Variants in AP2B1 observed in about 807,000 individuals in gnomAD.
AP2B1 encodes adaptor related protein complex 2 subunit beta 1.
A neutral mutation model predicts 102.0 loss-of-function variants in AP2B1; 23 were observed. The ratio of observed to expected loss-of-function variants is 0.23; its 90% CI spans 0.16 to 0.32. The LOEUF (loss-of-function observed/expected upper bound fraction) is 0.32, where lower values mean the gene tolerates loss of function less well. Ranked by LOEUF, AP2B1 falls within the 10% of genes least tolerant of loss-of-function variation. The pLI is 1.00. For missense variants in AP2B1, 541 were observed against 1,157.4 expected (o/e 0.47, Z 7.73); for synonymous variants, 381 against 421.2 (o/e 0.90, Z 1.17).
intron 10 of AP2B1, among the ~76,000 whole-genome samples, chr17:35,637,246 G>A (rs2074632692): frequency 2.0e-5 from 3 of 152,260 alleles, no homozygotes; most frequent in Admixed American, 6.5e-5. Flanking sequence ...GTGCAGTGGT[G>A]CGATCGCAGC....
chr17:35,626,592 T>G, intron 6 of AP2B1, 29 bp from the exon 7 acceptor site: 1 of 1,506,098 alleles, frequency 6.6e-7, no homozygotes, highest in Non-Finnish European at 9.2e-7. Flanking sequence ...TTATAATTCA[T>G]GATATTAATT....
intron 5 of AP2B1, chr17:35,621,364 G>T: frequency 1.0e-6 from 1 of 984,292 alleles, no homozygotes; most frequent in Non-Finnish European, 1.2e-6. Flanking sequence ...GTGCTGCCTG[G>T]TGAGCCTGCC....
intron 17 of AP2B1, among the ~76,000 whole-genome samples, chr17:35,675,615 C>T (rs1598255867): frequency 1.3e-5 from 2 of 148,422 alleles, no homozygotes; most frequent in African/African-American, 5.0e-5. Context: ...GCATTCATCT[C>T]TAGCCTTTTT....
chr17:35,592,821 G>A (rs574140163), intron 1 of AP2B1, among the ~76,000 whole-genome samples: 2 of 152,286 alleles, frequency 1.3e-5, no homozygotes, highest in South Asian at 2.1e-4. Context: ...GATTACAGGC[G>A]TGAGCTACTG....
At chr17:35,604,299 A>G (rs2073588741) in intron 3 of AP2B1, among the ~76,000 whole-genome samples, 1 of 151,948 alleles carries the variant, frequency 6.6e-6, no homozygotes, top group African/African-American at 2.4e-5. Flanking sequence ...TATAGAGACG[A>G]GGTCTCACTA....
chr17:35,667,897 G>A (rs553501453), intron 14 of AP2B1, among the ~76,000 whole-genome samples: 5 of 150,804 alleles, frequency 3.3e-5, no homozygotes, highest in South Asian at 2.1e-4. Flanking sequence ...AACATTTTTC[G>A]TAGGATCCTT....
At chr17:35,640,389 A>G (rs1430374293) in intron 11 of AP2B1, among the ~76,000 whole-genome samples, 2 of 147,646 alleles carry the variant, frequency 1.4e-5, no homozygotes, top group Non-Finnish European at 3.0e-5. Flanking sequence ...GGCATTCACC[A>G]TCACTCCCAA....
At chr17:35,606,652 CTT>C (rs1055025787) in intron 4 of AP2B1, among the ~76,000 whole-genome samples, 59 of 152,240 alleles carry the variant, frequency 3.9e-4, no homozygotes, top group African/African-American at 1.4e-3. Flanking sequence ...CATAACCACT[CTT>C]GTTTGTAATC....
chr17:35,598,028 A>G (rs935581865), intron 2 of AP2B1, among the ~76,000 whole-genome samples: 2 of 152,218 alleles, frequency 1.3e-5, no homozygotes, highest in Admixed American at 6.5e-5. Context: ...CCATAATTTA[A>G]AAGATTTTTA....
At chr17:35,671,407 C>CT (rs2075584460) in intron 15 of AP2B1, among the ~76,000 whole-genome samples, 1 of 152,172 alleles carries the variant, frequency 6.6e-6, no homozygotes, top group Non-Finnish European at 1.5e-5. Context: ...ACTTCTCCCT[C>CT]TTTCTATAAA....
intron 12 of AP2B1, among the ~76,000 whole-genome samples, chr17:35,647,418 C>A (rs533114223): frequency 1.2e-4 from 18 of 151,902 alleles, no homozygotes; most frequent in Non-Finnish European, 2.4e-4. Context: ...CAAACAAAAT[C>A]AACTAAATTA....
At chr17:35,721,074 A>C (rs1323269920) in intron 21 of AP2B1, among the ~76,000 whole-genome samples, 1 of 152,186 alleles carries the variant, frequency 6.6e-6, no homozygotes, top group Non-Finnish European at 1.5e-5. Context: ...TTGAGCCAGC[A>C]CTAATGCATG....
intron 18 of AP2B1, among the ~76,000 whole-genome samples, chr17:35,692,116 G>A (rs1438795733): frequency 6.6e-6 from 1 of 152,146 alleles, no homozygotes; most frequent in Non-Finnish European, 1.5e-5. Context: ...CCACACATAA[G>A]CAATCGGCAA....
intron 17 of AP2B1, among the ~76,000 whole-genome samples, chr17:35,682,162 C>T (rs1295416687): frequency 2.6e-5 from 4 of 151,334 alleles, no homozygotes; most frequent in South Asian, 2.1e-4. Flanking sequence ...GACTCATGTG[C>T]GAGGATCACT....
At chr17:35,646,586 A>ATTTT (rs34634602) in intron 12 of AP2B1, among the ~76,000 whole-genome samples, 1 of 135,620 alleles carries the variant, frequency 7.4e-6, no homozygotes, top group Non-Finnish European at 1.6e-5. Flanking sequence ...TATATATATA[A>ATTTT]TTTTTTTTTT....
intron 10 of AP2B1, 104 bp downstream of exon 10, chr17:35,636,560 C>T (rs1331157514): frequency 2.5e-6 from 2 of 811,952 alleles, no homozygotes; most frequent in Non-Finnish European, 4.0e-6. Flanking sequence ...TGTTCCTGGT[C>T]ATAATAGGAT....
chr17:35,650,951 TACTATACA>T (rs778443514), intron 13 of AP2B1, 162 bp downstream of exon 13: 36 of 741,938 alleles, frequency 4.9e-5, no homozygotes, highest in Non-Finnish European at 7.3e-5. Context: ...GGACACCTAC[TACTATACA>T]ACCCCAGGGA....
At chr17:35,646,483 T>C (rs2142783035) in intron 12 of AP2B1, among the ~76,000 whole-genome samples, 1 of 152,290 alleles carries the variant, frequency 6.6e-6, no homozygotes, top group East Asian at 1.9e-4. Flanking sequence ...AGTTAGTGTC[T>C]GTTTAGACTT....
At chr17:35,719,478 C>T (rs2085290240) in intron 21 of AP2B1, among the ~76,000 whole-genome samples, 2 of 152,134 alleles carry the variant, frequency 1.3e-5, no homozygotes, top group Admixed American at 1.3e-4. Flanking sequence ...GTATAAATTA[C>T]ACATGTAACA....
Sources: allele counts gnomAD v4.1 joint callset (sites outside exome capture counted in the v4.1 genomes callset), GRCh38; gene constraint gnomAD v4.1.1; transcripts MANE v1.5; gene names NCBI Gene and HGNC (gene_info 2026-07-23, HGNC 2026-07-21).